The following PJA2 variants were observed in gnomAD, a reference collection of about 807,000 sequenced individuals.
PJA2 encodes praja ring finger ubiquitin ligase 2.
A neutral mutation model predicts 69.3 loss-of-function variants in PJA2; 25 were observed. The observed-to-expected ratio is 0.36, with a 90% confidence interval of 0.26 to 0.50. The LOEUF is 0.50. Among genes scored for constraint, PJA2 ranks in the 20% least tolerant of loss-of-function variants. The probability of loss-of-function intolerance (pLI) is 0.96; values close to 1 mark genes in which losing one functional copy is unlikely to be tolerated. For synonymous variants in PJA2, 308 were observed against 277.8 expected, an observed-to-expected ratio of 1.11 and a Z score of -1.08; for missense variants, 809 against 830.2, an observed-to-expected ratio of 0.97 and a Z score of 0.31.
chr5:109,337,117 A>G lies in PJA2; in HGVS notation c.*114T>C, dbSNP rs375411347. 26 of 973,518 alleles carry G rather than the reference A, an allele frequency of 2.7e-5. No individual in the cohort carries two copies. In the East Asian group the frequency reaches 6.8e-4, roughly 25 times the overall value. The allele number at this position is 973,518 out of a possible 1,614,324, so 60.3% of individuals were successfully genotyped here. A position where few individuals can be genotyped will look rare whatever the true frequency, so the allele number is the denominator to read the frequency against. On this transcript the variant is annotated 3_prime_UTR_variant, in exon 10 of 10. Transcript: ENST00000361189. ...GTTAATATTCTTTCTAAACTATGGCATATACTATATATAGCATTTTTAAAT... is the reference window on the plus strand; with the variant it reads ...GTTAATATTCTTTCTAAACTATGGCGTATACTATATATAGCATTTTTAAAT...
intron 9 of PJA2, 92 bp downstream of exon 9, chr5:109,344,098 A>T: frequency 1.2e-6 from 1 of 863,066 alleles, no homozygotes. Context: ...ACTTTGTCTC[A>T]CCAAAAAAAA....
At chr5:109,394,588 A>C (rs767160113) in intron 1 of PJA2, among the ~76,000 whole-genome samples, 1 of 152,214 alleles carries the variant, frequency 6.6e-6, no homozygotes, top group Non-Finnish European at 1.5e-5. Flanking sequence ...AATTGGCAGA[A>C]AAATGTTTAA....
intron 3 of PJA2, among the ~76,000 whole-genome samples, chr5:109,381,270 T>C (rs1308993841): frequency 2.0e-5 from 3 of 152,212 alleles, no homozygotes; most frequent in Non-Finnish European, 2.9e-5. Flanking sequence ...TAATCACTAC[T>C]ATGAGAGTGT....
At chr5:109,377,018 G>T (rs189879462) in intron 4 of PJA2, among the ~76,000 whole-genome samples, 2 of 152,100 alleles carry the variant, frequency 1.3e-5, no homozygotes, top group African/African-American at 4.8e-5. Context: ...AACACTGTGG[G>T]CTTGAACTGA....
intron 4 of PJA2, among the ~76,000 whole-genome samples, chr5:109,377,482 T>C (rs1007629392): frequency 2.6e-5 from 4 of 152,100 alleles, no homozygotes; most frequent in African/African-American, 9.7e-5. Flanking sequence ...AAGATACGGG[T>C]TTGTAAGAGC....
chr5:109,381,831 A>T, intron 2 of PJA2, 128 bp from the exon 3 acceptor site: 2 of 713,866 alleles, frequency 2.8e-6, no homozygotes, highest in Non-Finnish European at 4.6e-6. Flanking sequence ...CATGAAGTGT[A>T]CCTTACTAGT....
chr5:109,364,317 G>A (rs1762548115), intron 5 of PJA2, among the ~76,000 whole-genome samples: 1 of 152,048 alleles, frequency 6.6e-6, no homozygotes, highest in Non-Finnish European at 1.5e-5. Context: ...TAGTCATGAG[G>A]AAATTTTATA....
chr5:109,399,419 A>G (rs1311580207), intron 1 of PJA2, among the ~76,000 whole-genome samples: 2 of 152,186 alleles, frequency 1.3e-5, no homozygotes, highest in Non-Finnish European at 2.9e-5. Context: ...CAGTGTGTGG[A>G]GAAACTTCTC....
chr5:109,353,386 A>G (rs1762307881), intron 7 of PJA2, among the ~76,000 whole-genome samples: 1 of 138,532 alleles, frequency 7.2e-6, no homozygotes, highest in Non-Finnish European at 1.5e-5. Flanking sequence ...ATCTATAGAC[A>G]TCTATATATT....
At chr5:109,361,001 G>A (rs930489109) in intron 6 of PJA2, among the ~76,000 whole-genome samples, 1 of 151,990 alleles carries the variant, frequency 6.6e-6, no homozygotes, top group African/African-American at 2.4e-5. Flanking sequence ...GGTGGCAGGC[G>A]CCTGTAATCC....
At position 109,353,971 on chromosome 5, in the gene PJA2, G is replaced by C. The variant is rs915927002; in HGVS notation, c.1764+1944C>G. ...AGATTAGATGTCTATGATATCTAGA[G>C]ATATCTATAGATTAGATAGATATCT... On this transcript the variant is annotated intron_variant, in intron 7 of 9. Transcript: ENST00000361189. 1.3e-4 allele frequency among the ~76,000 whole-genome samples: 18 copies of C among 135,080 alleles called. 3 individuals carry two copies. The highest frequency in any genetic ancestry group is 4.7e-4 in the African/African-American group (17 of 36,210). The allele number at this position is 135,080 out of a possible 152,430, so 88.6% of individuals were successfully genotyped here. A position where few individuals can be genotyped will look rare whatever the true frequency, so the allele number is the denominator to read the frequency against.
chr5:109,353,717 A>G (rs1762326990), intron 7 of PJA2, among the ~76,000 whole-genome samples: 1 of 148,622 alleles, frequency 6.7e-6, no homozygotes, highest in Admixed American at 6.7e-5. Flanking sequence ...ACATCTATAT[A>G]TTAGATACCT....
rs746597993 is a variant in PJA2, at chr5:109,378,409, G to A, written c.1078C>T (p.Leu360Phe). The A allele has an allele frequency of 4.3e-6, 7 of 1,614,084 alleles. No individual in the cohort carries two copies. In the South Asian group the frequency reaches 7.7e-5, roughly 18 times the overall value. ...LEVEESGSDDLLIKCEEYDGE... is the reference protein window; with the variant it reads ...LEVEESGSDDFLIKCEEYDGE... ...TCATATTCTTCACATTTTATTAAGA[G>A]GTCATCTGAGCCACTTTCCTCAACT... is the stretch of plus-strand genomic sequence containing the variant. The change falls in exon 4 of 10, where the codon CTC (leucine) becomes TTC (phenylalanine). Residue 360 changes from leucine to phenylalanine, a missense_variant. Around this residue, in one of 4 missense-constraint regions of PJA2, gnomAD observed 700 missense variants for 639.5 expected, o/e 1.09. Coordinates refer to ENST00000361189, the MANE Select transcript of PJA2 (RefSeq NM_014819.5).
At chr5:109,356,482 A>G (rs1762414838) in intron 6 of PJA2, among the ~76,000 whole-genome samples, 1 of 152,160 alleles carries the variant, frequency 6.6e-6, no homozygotes. Context: ...AACTGGAAGT[A>G]TATGTAAATA....
chr5:109,340,703 C>G (rs1335716219), intron 9 of PJA2, among the ~76,000 whole-genome samples: 1 of 63,322 alleles, frequency 1.6e-5, no homozygotes, highest in East Asian at 2.9e-4. Context: ...CATGCGGAGC[C>G]GCAGCTGGAC....
chr5:109,396,879 GA>G (rs1747428377), intron 1 of PJA2, among the ~76,000 whole-genome samples: 1 of 151,984 alleles, frequency 6.6e-6, no homozygotes, highest in Non-Finnish European at 1.5e-5. Flanking sequence ...TAAAGAAAGT[GA>G]AAAGAAATAT....
intron 3 of PJA2, 62 bp downstream of exon 3, chr5:109,381,441 T>C: frequency 7.0e-7 from 1 of 1,436,652 alleles, no homozygotes; most frequent in Non-Finnish European, 9.5e-7. Flanking sequence ...CCCAAAAATT[T>C]AATTATAAGA....
At chr5:109,390,094 A>G (rs1346615220) in intron 1 of PJA2, among the ~76,000 whole-genome samples, 1 of 152,026 alleles carries the variant, frequency 6.6e-6, no homozygotes, top group African/African-American at 2.4e-5. Flanking sequence ...ATAAATGTCA[A>G]TTAGGTTAAG....
chr5:109,408,787 A>T (rs1346912333), intron 1 of PJA2, among the ~76,000 whole-genome samples: 1 of 152,272 alleles, frequency 6.6e-6, no homozygotes, highest in African/African-American at 2.4e-5. Context: ...AGACAATTAC[A>T]ACACTGAAAA....
Sources: allele counts gnomAD v4.1 joint callset (sites outside exome capture counted in the v4.1 genomes callset), GRCh38; gene constraint gnomAD v4.1.1; regional missense constraint gnomAD v4.1.1; transcripts MANE v1.5; gene names NCBI Gene and HGNC (gene_info 2026-07-23, HGNC 2026-07-21).